Variants in PRLR observed in about 807,000 individuals in gnomAD.
PRLR encodes the protein prolactin receptor, also known as hPRL receptor.
PRLR carries 13 observed loss-of-function variants against 40.2 expected under a neutral mutation model. The ratio of observed to expected loss-of-function variants is 0.32; its 90% CI spans 0.21 to 0.51. The LOEUF (loss-of-function observed/expected upper bound fraction) is 0.51, where lower values mean the gene tolerates loss of function less well. PRLR is among the 20% of genes least tolerant of loss of function. The pLI is 0.97. For missense variants in PRLR, 656 were observed against 747.3 expected (o/e 0.88, Z 1.42); for synonymous variants, 269 against 278.7 (o/e 0.97, Z 0.35).
chr5:35,094,223 A>G (rs1017643349), intron 2 of PRLR, among the ~76,000 whole-genome samples: 9 of 152,214 alleles, frequency 5.9e-5, no homozygotes, highest in Non-Finnish European at 1.3e-4. Context: ...CACTTCTAAC[A>G]GTACAGATTA....
chr5:35,057,044 T>C lies in PRLR; in HGVS notation c.*8045A>G, dbSNP rs1011943309. The stretch of plus-strand genomic sequence containing the variant: ...TGGATTTTGTCAGAAAAGATGTTGT[T>C]AATAATATGGATAAATAATAACTGT... On this transcript the variant is annotated 3_prime_UTR_variant, in exon 10 of 10. Coordinates refer to ENST00000618457, the MANE Select transcript of PRLR (RefSeq NM_000949.7). 1 of 152,194 alleles carries C rather than the reference T, an allele frequency of 6.6e-6. No individual in the cohort carries two copies. The highest frequency in any genetic ancestry group is 2.4e-5 in the African/African-American group (1 of 41,456). The allele number at this position is 152,194 out of a possible 1,614,324, so 9.4% of individuals were successfully genotyped here.
In PRLR at chr5:35,138,963, G is replaced by C. The variant is rs1773934620; in HGVS notation, c.-105-20841C>G. Among the ~76,000 whole-genome samples, 3 of 152,146 alleles carry C rather than the reference G, an allele frequency of 2.0e-5. No individual in the cohort carries two copies. The South Asian group carries it at 6.2e-4, about 32-fold the overall frequency. ...AGTTCTTGTCAGGGACTGAGGGGTA[G>C]GAGAAAGGACAGATATTGGTCAAAA... On this transcript the variant is annotated intron_variant, in intron 1 of 9. Transcript: ENST00000618457.
At chr5:35,135,419 GC>G in intron 1 of PRLR, 1 of 152,706 alleles carries the variant, frequency 6.5e-6, no homozygotes, top group African/African-American at 2.4e-5. Flanking sequence ...AGAAAAGGCA[GC>G]CAGAGGGAGA....
rs1769159811 is a variant in PRLR at position 35,063,408 on chromosome 5, T to C, written c.*1681A>G. On this transcript the variant is annotated 3_prime_UTR_variant, in exon 10 of 10. Transcript: ENST00000618457. Reference sequence around the variant, plus strand: ...ATGGACATATAGAATGGATTTACCATCAAGTGAAGGGAAAAATAGAGAGGG... The same window carrying C: ...ATGGACATATAGAATGGATTTACCACCAAGTGAAGGGAAAAATAGAGAGGG... 6.6e-6 allele frequency: 1 copy of C among 152,090 alleles called. No individual in the cohort carries two copies. Among genetic ancestry groups the C allele is most frequent in the Non-Finnish European group, 1.5e-5 (1 of 68,024 alleles). 9.4% of individuals were successfully genotyped at this position (152,090 alleles called of 1,614,324 possible).
At chr5:35,225,445 G>A (rs1776523974) in intron 1 of PRLR, among the ~76,000 whole-genome samples, 1 of 152,142 alleles carries the variant, frequency 6.6e-6, no homozygotes. Flanking sequence ...AGAGGAAGAA[G>A]TCACGTTTGG....
intron 2 of PRLR, among the ~76,000 whole-genome samples, chr5:35,101,904 T>C (rs1257642864): frequency 6.6e-6 from 1 of 151,546 alleles, no homozygotes; most frequent in African/African-American, 2.4e-5. Context: ...CTCGGCTTTC[T>C]GTAACCTTTG....
chr5:35,078,264 G>A (rs1233671200), intron 5 of PRLR, among the ~76,000 whole-genome samples: 1 of 152,106 alleles, frequency 6.6e-6, no homozygotes, highest in Non-Finnish European at 1.5e-5. Context: ...GTGAATCCAG[G>A]AGCGGTTTTT....
rs565350536 is a variant in PRLR at position 35,059,165 on chromosome 5, C to G, written c.*5924G>C. 3.3e-5 allele frequency: 5 copies of G among 152,220 alleles called. No homozygotes were observed. The South Asian group carries it at 1.0e-3, about 32-fold the overall frequency. 9.4% of individuals were successfully genotyped at this position (152,220 alleles called of 1,614,324 possible). A position where few individuals can be genotyped will look rare whatever the true frequency, so the allele number is the denominator to read the frequency against. On this transcript the variant is annotated 3_prime_UTR_variant, in exon 10 of 10. Transcript: ENST00000618457. ...CTATTAAAGGTTATTTTTTATATTA[C>G]TACTTCAGTTGCTGAAGGTTTTAGG... is the stretch of plus-strand genomic sequence containing the variant.
chr5:35,141,251 A>C lies in PRLR; in HGVS notation c.-105-23129T>G, dbSNP rs554292403. Among the ~76,000 whole-genome samples the C allele has an allele frequency of 7.2e-4, 109 of 151,834 alleles. 1 individual carries two copies. The East Asian group carries it at 0.018, about 25-fold the overall frequency. On this transcript the variant is annotated intron_variant, in intron 1 of 9. Transcript: ENST00000618457. ...CTTAATACCTGAAAAAAAAAAACAA[A>C]CCCCTAATGTGCTTAAGTCCTTGGT...
chr5:35,074,940 C>T (rs1769979909), intron 5 of PRLR, among the ~76,000 whole-genome samples: 1 of 152,130 alleles, frequency 6.6e-6, no homozygotes, highest in African/African-American at 2.4e-5. Context: ...ACATTTTCTC[C>T]ATTCATTTAT....
Position 35,066,125 on chromosome 5 carries a change from A to C in PRLR, c.856-23T>G, listed in dbSNP as rs764426907. ...CTTCTATTAAAACACAGACACAAGA[A>C]GAGATGGCTGTTAGCTTCATAACAT... On this transcript the variant is annotated intron_variant, in intron 9 of 9. Coordinates refer to ENST00000618457, the MANE Select transcript of PRLR (RefSeq NM_000949.7). 11 of 1,599,626 alleles carry C rather than the reference A, an allele frequency of 6.9e-6. No homozygotes were observed. The highest frequency in any genetic ancestry group is 1.7e-5 in the Admixed American group (1 of 59,538).
At chr5:35,052,200 G>A (rs973921788), downstream of PRLR, among the ~76,000 whole-genome samples, 21 of 152,180 alleles carry the variant, frequency 1.4e-4, no homozygotes, top group African/African-American at 4.8e-4. Flanking sequence ...TAAAAGTTTA[G>A]CAAATTGAAC....
chr5:35,181,493 T>G (rs1376315529), intron 1 of PRLR, among the ~76,000 whole-genome samples: 1 of 152,216 alleles, frequency 6.6e-6, no homozygotes, highest in Non-Finnish European at 1.5e-5. Flanking sequence ...AGATGTCTAT[T>G]AAGTGAGAGC....
chr5:35,165,468 CA>C (rs1774796046), intron 1 of PRLR, among the ~76,000 whole-genome samples: 1 of 152,208 alleles, frequency 6.6e-6, no homozygotes, highest in Non-Finnish European at 1.5e-5. Context: ...TTCTTTTACA[CA>C]AAGGTTCTTT....
Position 35,104,902 on chromosome 5 carries a change from A to G in PRLR, c.-44+13159T>C, listed in dbSNP as rs138969182. ...CTCCCACCGCGGAATTTGAGATCGGAGAACAGACAGACTGCCTCCTCAAGT... is the reference window on the plus strand; with the variant it reads ...CTCCCACCGCGGAATTTGAGATCGGGGAACAGACAGACTGCCTCCTCAAGT... On this transcript the variant is annotated intron_variant, in intron 2 of 9. Transcript: ENST00000618457. Among the ~76,000 whole-genome samples the G allele has an allele frequency of 3.5e-3, 530 of 152,350 alleles. 3 individuals are homozygous for G. The highest frequency in any genetic ancestry group is 0.011 in the African/African-American group (455 of 41,576).
intron 1 of PRLR, among the ~76,000 whole-genome samples, chr5:35,222,033 A>G (rs1214148482): frequency 6.6e-6 from 1 of 152,218 alleles, no homozygotes; most frequent in Non-Finnish European, 1.5e-5. Flanking sequence ...GGCCGGGTGC[A>G]ATGGCTCATG....
intron 9 of PRLR, 103 bp downstream of exon 9, chr5:35,068,113 C>T: frequency 8.9e-7 from 1 of 1,121,972 alleles, no homozygotes; most frequent in Non-Finnish European, 1.4e-6. Context: ...AAAAGGCTGG[C>T]TGAAACTACC....
chr5:35,062,615 A>G lies in PRLR; in HGVS notation c.*2474T>C, dbSNP rs575628602. ...CAAAATTATATGTCAAAAGCAGATT[A>G]CTTTTATGTTTAGGTTTTCAGACTA... On this transcript the variant is annotated 3_prime_UTR_variant, in exon 10 of 10. Coordinates refer to ENST00000618457, the MANE Select transcript of PRLR (RefSeq NM_000949.7). 6.6e-6 allele frequency: 1 copy of G among 152,252 alleles called. No homozygotes were observed. The highest frequency in any genetic ancestry group is 2.1e-4 in the South Asian group (1 of 4,822). The allele number at this position is 152,252 out of a possible 1,614,324, so 9.4% of individuals were successfully genotyped here. A position where few individuals can be genotyped will look rare whatever the true frequency, so the allele number is the denominator to read the frequency against.
chr5:35,129,880 G>A (rs1030729088), intron 1 of PRLR, among the ~76,000 whole-genome samples: 2 of 152,106 alleles, frequency 1.3e-5, no homozygotes, highest in Non-Finnish European at 1.5e-5. Context: ...TCCTGAAGCA[G>A]AGAAAGAGAA....
Sources: gnomAD v4.1 joint callset for allele counts (sites outside exome capture counted in the v4.1 genomes callset) on GRCh38, gnomAD v4.1.1 for gene constraint, MANE v1.5 for transcripts, NCBI Gene and HGNC (gene_info 2026-07-23, HGNC 2026-07-21) for gene names.